Variants in MCTP1 observed in about 807,000 individuals in gnomAD.
MCTP1 encodes multiple C2 and transmembrane domain-containing protein 1.
Under a neutral mutation model 120.6 loss-of-function variants are expected in MCTP1, and 69 were observed. The observed-to-expected ratio is 0.57, with a 90% confidence interval of 0.47 to 0.70. The LOEUF is 0.70. MCTP1 is among the 30% of genes least tolerant of loss of function. The pLI is 0.00. For synonymous variants in MCTP1, 529 were observed against 493.1 expected, an observed-to-expected ratio of 1.07 and a Z score of -0.96; for missense variants, 1,203 against 1,248.8, an observed-to-expected ratio of 0.96 and a Z score of 0.55.
chr5:95,178,927 A>G (rs778667616), intron 1 of MCTP1, among the ~76,000 whole-genome samples: 11 of 152,170 alleles, frequency 7.2e-5, no homozygotes, highest in Admixed American at 1.3e-4. Flanking sequence ...AATCAAAAAC[A>G]TGATACACGA....
intron 1 of MCTP1, among the ~76,000 whole-genome samples, chr5:95,108,180 G>T (rs1471075568): frequency 6.6e-6 from 1 of 152,106 alleles, no homozygotes; most frequent in Non-Finnish European, 1.5e-5. Context: ...CATTCTCCTA[G>T]TAACAGTTTC....
At chr5:94,936,569 A>G (rs1236115782) in intron 5 of MCTP1, among the ~76,000 whole-genome samples, 1 of 152,110 alleles carries the variant, frequency 6.6e-6, no homozygotes, top group African/African-American at 2.4e-5. Flanking sequence ...AGAATGAGGA[A>G]GTTATAAAGC....
At chr5:94,983,974 A>G (rs1475563260) in intron 2 of MCTP1, among the ~76,000 whole-genome samples, 2 of 152,206 alleles carry the variant, frequency 1.3e-5, no homozygotes, top group African/African-American at 4.8e-5. Context: ...CTGCATTATG[A>G]ATATTGAATT....
intron 1 of MCTP1, among the ~76,000 whole-genome samples, chr5:95,026,017 C>T (rs947720907): frequency 6.6e-6 from 1 of 152,064 alleles, no homozygotes. Context: ...AAGAGAGCTT[C>T]CACCAGAAGA....
At chr5:95,034,566 A>C (rs942145651) in intron 1 of MCTP1, among the ~76,000 whole-genome samples, 1 of 152,090 alleles carries the variant, frequency 6.6e-6, no homozygotes, top group Non-Finnish European at 1.5e-5. Context: ...CATATATAAA[A>C]ATTTATTCAA....
intron 17 of MCTP1, among the ~76,000 whole-genome samples, chr5:94,857,927 G>A (rs1320469669): frequency 2.0e-5 from 3 of 151,526 alleles, no homozygotes; most frequent in Non-Finnish European, 4.4e-5. Flanking sequence ...TTAATTTTAC[G>A]CTGGAATAAT....
intron 19 of MCTP1, among the ~76,000 whole-genome samples, chr5:94,734,260 A>G (rs940967285): frequency 6.6e-6 from 1 of 152,230 alleles, no homozygotes; most frequent in Non-Finnish European, 1.5e-5. Flanking sequence ...CAGACATGGC[A>G]TGAAAATCAT....
At chr5:95,234,713 T>G (rs1755346775) in intron 1 of MCTP1, among the ~76,000 whole-genome samples, 1 of 152,228 alleles carries the variant, frequency 6.6e-6, no homozygotes, top group African/African-American at 2.4e-5. Context: ...AAAAATGACA[T>G]TCTCAATCAA....
Position 94,779,152 on chromosome 5 carries a change from G to C in MCTP1, c.2568C>G (p.Asp856Glu). 3 of 1,613,542 alleles carry C rather than the reference G, an allele frequency of 1.9e-6. No homozygotes were observed. The highest frequency in any genetic ancestry group is 2.5e-6 in the Non-Finnish European group (3 of 1,179,576). ...CTTCTTCTTCCTCGTCCTCTAGCAT[G>C]TCCTCCACTACCTGCAGAGAGAAAC... The part of the protein sequence containing the change: ...DNRQRDTVVE[D>E]MLEDEEEEDD... The change falls in exon 19 of 23, where the codon GAC (aspartate) becomes GAG (glutamate). Residue 856 changes from aspartate to glutamate, a missense_variant. Asp to Glu is a conservative substitution (Grantham distance 45). Around this residue, in one of 2 missense-constraint regions of MCTP1, gnomAD observed 740 missense variants for 871.1 expected, o/e 0.85. Coordinates refer to ENST00000515393, the MANE Select transcript of MCTP1 (RefSeq NM_024717.7).
At chr5:95,199,059 A>G (rs1750709005) in intron 1 of MCTP1, among the ~76,000 whole-genome samples, 1 of 152,218 alleles carries the variant, frequency 6.6e-6, no homozygotes, top group African/African-American at 2.4e-5. Flanking sequence ...TAGTTTTTGA[A>G]CGTAGATAAT....
intron 1 of MCTP1, among the ~76,000 whole-genome samples, chr5:95,255,643 A>G (rs116226178): frequency 0.011 from 1,648 of 152,290 alleles, 36 homozygotes; most frequent in African/African-American, 0.036. Context: ...GCTGATGTTA[A>G]CCCTTTTCTT....
chr5:94,944,813 A>G (rs574730932), intron 3 of MCTP1, among the ~76,000 whole-genome samples: 4 of 152,318 alleles, frequency 2.6e-5, no homozygotes, highest in Admixed American at 1.3e-4. Context: ...AGCTCTACAC[A>G]CTATTTGTCA....
chr5:94,940,818 C>G (rs1817539072), intron 4 of MCTP1, among the ~76,000 whole-genome samples: 1 of 150,990 alleles, frequency 6.6e-6, no homozygotes, highest in African/African-American at 2.4e-5. Flanking sequence ...TCAGAGGTAC[C>G]TCAATGTATT....
At chr5:95,072,702 A>G (rs965551913) in intron 1 of MCTP1, among the ~76,000 whole-genome samples, 6 of 150,042 alleles carry the variant, frequency 4.0e-5, no homozygotes, top group African/African-American at 1.5e-4. Flanking sequence ...TTCAACCTCA[A>G]CTGTTCTAGC....
intron 1 of MCTP1, among the ~76,000 whole-genome samples, chr5:95,222,437 A>C (rs1244455124): frequency 6.6e-6 from 1 of 152,268 alleles, no homozygotes. Context: ...TAATAGTCAA[A>C]GCTTGCTAAT....
At chr5:94,727,127 C>A (rs1003495004) in intron 19 of MCTP1, among the ~76,000 whole-genome samples, 1 of 152,192 alleles carries the variant, frequency 6.6e-6, no homozygotes, top group Non-Finnish European at 1.5e-5. Context: ...TTCTCCCCAT[C>A]TGAGCTTAAA....
intron 1 of MCTP1, among the ~76,000 whole-genome samples, chr5:95,103,029 G>A (rs772678383): frequency 2.4e-4 from 36 of 152,006 alleles, no homozygotes; most frequent in Admixed American, 1.4e-3. Context: ...TTGCTCTGAG[G>A]ACTAAATAAA....
At chr5:95,031,039 T>C (rs189305029) in intron 1 of MCTP1, among the ~76,000 whole-genome samples, 17 of 151,886 alleles carry the variant, frequency 1.1e-4, no homozygotes, top group Non-Finnish European at 2.1e-4. Flanking sequence ...AAAGAATGAA[T>C]TTCAGAGTTT....
intron 1 of MCTP1, among the ~76,000 whole-genome samples, chr5:95,130,753 C>T (rs1473878686): frequency 1.3e-5 from 2 of 152,150 alleles, no homozygotes; most frequent in East Asian, 1.9e-4. Context: ...GGGATTATCA[C>T]CTACCCTAAT....
Sources: allele counts gnomAD v4.1 joint callset (sites outside exome capture counted in the v4.1 genomes callset), GRCh38; gene constraint gnomAD v4.1.1; regional missense constraint gnomAD v4.1.1; transcripts MANE v1.5; gene names NCBI Gene and HGNC (gene_info 2026-07-23, HGNC 2026-07-21).